The following SLC9D1 variants were observed in gnomAD, a reference collection of about 807,000 sequenced individuals.
SLC9D1 encodes putative LAG1-interacting protein.
At chr13:113,550,106 A>G in the SLC9D1 span, 117 of 164,008 alleles carry the variant, frequency 7.1e-4, no homozygotes, top group South Asian at 0.018. Context: ...TTTCATGTCA[A>G]TTTCTATTAG....
the SLC9D1 span, chr13:113,548,375 G>C: frequency 6.2e-7 from 1 of 1,613,780 alleles, no homozygotes; most frequent in Non-Finnish European, 8.5e-7. Context: ...GATCGTCTCT[G>C]CGGGGCTTGC....
chr13:113,499,319 G>T, the SLC9D1 span, among the ~76,000 whole-genome samples: 3 of 152,298 alleles, frequency 2.0e-5, no homozygotes, highest in South Asian at 6.2e-4. Context: ...CCTGTATCTT[G>T]TGATATCAGT....
At chr13:113,533,301 A>G in the SLC9D1 span, among the ~76,000 whole-genome samples, 4 of 151,936 alleles carry the variant, frequency 2.6e-5, no homozygotes, top group Admixed American at 6.6e-5. Context: ...CTTCAAGCCC[A>G]GCTCTGCTGT....
chr13:113,499,909 T>C, the SLC9D1 span: 4 of 1,207,668 alleles, frequency 3.3e-6, no homozygotes, highest in Non-Finnish European at 4.4e-6. Context: ...TCTCCAAAAA[T>C]TGAAAGCATT....
the SLC9D1 span, among the ~76,000 whole-genome samples, chr13:113,518,654 C>T: frequency 2.6e-4 from 39 of 152,146 alleles, 1 homozygote; most frequent in East Asian, 7.0e-3. Context: ...GCGAAGGCTG[C>T]GAGATGAAGA....
the SLC9D1 span, among the ~76,000 whole-genome samples, chr13:113,491,528 C>T: frequency 2.0e-5 from 3 of 152,068 alleles, no homozygotes; most frequent in Non-Finnish European, 4.4e-5. Flanking sequence ...TCCTCTCTCT[C>T]CCTCCCTGGG....
the SLC9D1 span, chr13:113,495,986 C>CCGG: frequency 4.3e-6 from 7 of 1,612,920 alleles, no homozygotes; most frequent in Admixed American, 1.7e-5. Flanking sequence ...AGGAGAGCAG[C>CCGG]CGGCAGCGCC....
the SLC9D1 span, chr13:113,527,998 C>T: frequency 6.6e-6 from 1 of 152,176 alleles, no homozygotes; most frequent in Non-Finnish European, 1.5e-5. Context: ...TTTCCACTTA[C>T]TTCTTTTATG....
chr13:113,534,103 G>C, the SLC9D1 span: 1 of 1,612,748 alleles, frequency 6.2e-7, no homozygotes, highest in Non-Finnish European at 8.5e-7. Flanking sequence ...TTTTTCACTA[G>C]CGGCGGTTTT....
the SLC9D1 span, among the ~76,000 whole-genome samples, chr13:113,510,736 G>A: frequency 6.6e-6 from 1 of 152,236 alleles, no homozygotes; most frequent in African/African-American, 2.4e-5. Flanking sequence ...TGTGGAACTG[G>A]TGGATTTTAG....
the SLC9D1 span, chr13:113,505,582 A>G: frequency 6.6e-6 from 1 of 152,274 alleles, no homozygotes; most frequent in Admixed American, 6.5e-5. Flanking sequence ...AGCATGTAAC[A>G]TGACCGCGGC....
the SLC9D1 span, chr13:113,504,792 A>G: frequency 6.6e-6 from 1 of 152,164 alleles, no homozygotes; most frequent in Non-Finnish European, 1.5e-5. Flanking sequence ...TGTGCATGCA[A>G]GTCTCTTTTT....
chr13:113,546,629 C>T, the SLC9D1 span, among the ~76,000 whole-genome samples: 10 of 152,120 alleles, frequency 6.6e-5, no homozygotes, highest in African/African-American at 2.2e-4. This position sits in a 1 kb window ranked among gnomAD's most constrained non-coding sequence, Gnocchi z 7.1. Flanking sequence ...TGGGTCCTTC[C>T]GATCAAGAGG....
At chr13:113,508,382 T>G in the SLC9D1 span, among the ~76,000 whole-genome samples, 3 of 152,216 alleles carry the variant, frequency 2.0e-5, no homozygotes, top group Non-Finnish European at 4.4e-5. Context: ...GCCCGTGGCC[T>G]CCTCAGGCTG....
the SLC9D1 span, among the ~76,000 whole-genome samples, chr13:113,541,149 C>G: frequency 1.3e-5 from 2 of 152,198 alleles, no homozygotes; most frequent in African/African-American, 2.4e-5. Context: ...CCTCCGGTGC[C>G]TCCAGCTTTG....
the SLC9D1 span, among the ~76,000 whole-genome samples, chr13:113,518,894 A>G: frequency 6.6e-6 from 1 of 152,256 alleles, no homozygotes; most frequent in South Asian, 2.1e-4. Context: ...TTTGTACAAT[A>G]AGTCAATCAA....
the SLC9D1 span, among the ~76,000 whole-genome samples, chr13:113,533,296 A>G: frequency 1.3e-5 from 2 of 152,102 alleles, no homozygotes; most frequent in Admixed American, 6.6e-5. Context: ...CTCTGCTTCA[A>G]GCCCAGCTCT....
At chr13:113,520,344 C>T in the SLC9D1 span, among the ~76,000 whole-genome samples, 5 of 151,840 alleles carry the variant, frequency 3.3e-5, no homozygotes, top group Non-Finnish European at 7.4e-5. Flanking sequence ...ATTAGCCAGG[C>T]GTGATGGCAG....
the SLC9D1 span, chr13:113,549,475 G>A: frequency 3.6e-4 from 573 of 1,614,000 alleles, no homozygotes; most frequent in African/African-American, 5.1e-3. Context: ...TGCTCGCCCC[G>A]GTGCTGTGGA....
Sources: allele counts gnomAD v4.1 joint callset (sites outside exome capture counted in the v4.1 genomes callset), GRCh38; gene constraint gnomAD v4.1.1; non-coding constraint Gnocchi (gnomAD v3.1); transcripts MANE v1.5; gene names NCBI Gene and HGNC (gene_info 2026-07-23, HGNC 2026-07-21).